PCDHGA2: variants seen among roughly 807,000 people sequenced by gnomAD.
The protein encoded by PCDHGA2 is protocadherin gamma subfamily A, 2, also known as protocadherin gamma-A2.
In PCDHGA2, 40 loss-of-function variants were observed where a neutral mutation model predicts 59.2. That is an observed-to-expected ratio of 0.68 (90% CI 0.52 to 0.88). The LOEUF is 0.88. Ranked by LOEUF, PCDHGA2 falls within the 40% of genes least tolerant of loss-of-function variation. The pLI, the probability that PCDHGA2 is intolerant of heterozygous loss-of-function variation, is 0.00. For synonymous variants in PCDHGA2, 560 were observed against 526.0 expected, an observed-to-expected ratio of 1.06 and a Z score of -0.89; for missense variants, 1,226 against 1,204.0, an observed-to-expected ratio of 1.02 and a Z score of -0.27.
chr5:141,351,539 GC>G, intron 1 of PCDHGA2: 1 of 1,614,024 alleles, frequency 6.2e-7, no homozygotes, highest in Non-Finnish European at 8.5e-7. Context: ...GGGCAAACCA[GC>G]CCTTTCCTCC....
At position 141,351,795 on chromosome 5, in the gene PCDHGA2, C is replaced by T. The variant is rs765923211; in HGVS notation, c.2424+10400C>T. 9 of 1,613,360 alleles carry T rather than the reference C, an allele frequency of 5.6e-6. 1 individual carries two copies. In the East Asian group the frequency reaches 6.7e-5, roughly 12 times the overall value. Reference sequence around the variant, plus strand: ...AGCCCGCAGAGCGGGGTGGTGTTCGCGCAGCGCGCCTTCGACCACGAGCAG... The same window carrying T: ...AGCCCGCAGAGCGGGGTGGTGTTCGTGCAGCGCGCCTTCGACCACGAGCAG... On this transcript the variant is annotated intron_variant, in intron 1 of 3. Coordinates refer to ENST00000394576, the MANE Select transcript of PCDHGA2 (RefSeq NM_018915.4).
intron 1 of PCDHGA2, chr5:141,398,210 C>T (rs755562930): frequency 1.3e-6 from 2 of 1,483,862 alleles, no homozygotes; most frequent in South Asian, 1.3e-5. Flanking sequence ...TTCTGCCCGG[C>T]GCTCTGTGAG....
chr5:141,365,483 T>A (rs750405300), intron 1 of PCDHGA2: 2 of 1,614,018 alleles, frequency 1.2e-6, no homozygotes, highest in Non-Finnish European at 1.7e-6. Context: ...GATTGCATGC[T>A]CTATTCCTAG....
intron 1 of PCDHGA2, chr5:141,360,416 A>G: frequency 6.2e-7 from 1 of 1,614,014 alleles, no homozygotes; most frequent in Non-Finnish European, 8.5e-7. Context: ...GACCGAGAAC[A>G]GATATGCGGG....
rs1161979451 is a variant in PCDHGA2 at position 141,355,725 on chromosome 5, C to A, written c.2424+14330C>A. ...TGCAGGGTTACCAGCTCAACTCAAA[C>A]GGTTACTTTTCCCTGGACGTGCAAA... On this transcript the variant is annotated intron_variant, in intron 1 of 3. Transcript: ENST00000394576. The A allele has an allele frequency of 6.2e-7, 1 of 1,613,896 alleles. No individual in the cohort carries two copies. Among genetic ancestry groups the A allele is most frequent in the Non-Finnish European group, 8.5e-7 (1 of 1,179,892 alleles).
rs1272166319 is a variant in PCDHGA2, at chr5:141,370,826, A to C, written c.2424+29431A>C. Reference sequence around the variant, plus strand: ...ATATCACTGAGCTGGAAATCAGCGAACTGGCTCTCACTGGAGCCACATTTG... The same window carrying C: ...ATATCACTGAGCTGGAAATCAGCGACCTGGCTCTCACTGGAGCCACATTTG... On this transcript the variant is annotated intron_variant, in intron 1 of 3. Coordinates refer to ENST00000394576, the MANE Select transcript of PCDHGA2 (RefSeq NM_018915.4). The C allele has an allele frequency of 1.1e-5, 18 of 1,613,884 alleles. No homozygotes were observed. The Admixed American group carries it at 3.0e-4, about 27-fold the overall frequency.
Position 141,338,781 on chromosome 5 carries a change from C to T in PCDHGA2, c.-191C>T, listed in dbSNP as rs1269695414. On this transcript the variant is annotated 5_prime_UTR_variant, in exon 1 of 4. Transcript: ENST00000394576. ...ATCCAATCCAGCAATACGGCTCCCA[C>T]AGCACAAGGGGGTGGAGGTTTGGCC... is the stretch of plus-strand genomic sequence containing the variant. 1 of 1,300,382 alleles carries T rather than the reference C, an allele frequency of 7.7e-7. No individual in the cohort carries two copies. The highest frequency in any genetic ancestry group is 1.5e-5 in the African/African-American group (1 of 66,916). The allele number at this position is 1,300,382 out of a possible 1,614,324, so 80.6% of individuals were successfully genotyped here.
Position 141,490,732 on chromosome 5 carries a change from G to A in PCDHGA2, c.2425-4075G>A, listed in dbSNP as rs775388969. 6.2e-6 allele frequency: 10 copies of A among 1,614,188 alleles called. No homozygotes were observed. The highest frequency in any genetic ancestry group is 8.5e-6 in the Non-Finnish European group (10 of 1,180,042). ...CACCTACTCCATTGTAGGAAATCAG[G>A]TTCAGGGAGCCCCAGCCTCCTCCTT... On this transcript the variant is annotated intron_variant, in intron 1 of 3. Transcript: ENST00000394576. This position sits in a 1 kb window ranked among gnomAD's most constrained non-coding sequence, Gnocchi z 5.4.
At chr5:141,427,869 A>G in intron 1 of PCDHGA2, 3 of 1,559,604 alleles carry the variant, frequency 1.9e-6, no homozygotes, top group Non-Finnish European at 2.6e-6. Flanking sequence ...CTTCGAGCTC[A>G]CGATGCAGGC....
At position 141,346,515 on chromosome 5, in the gene PCDHGA2, A is replaced by G. The variant is rs1302311173; in HGVS notation, c.2424+5120A>G. 5.0e-6 allele frequency: 8 copies of G among 1,601,932 alleles called. 1 individual carries two copies. In the South Asian group the frequency reaches 8.9e-5, roughly 18 times the overall value. On this transcript the variant is annotated intron_variant, in intron 1 of 3. Transcript: ENST00000394576. Reference sequence around the variant, plus strand: ...CAAATATGAGAATGTGGTTATTATAAAGCTTTAACACATATGTATTTGAGA... The same window carrying G: ...CAAATATGAGAATGTGGTTATTATAGAGCTTTAACACATATGTATTTGAGA...
chr5:141,413,570 A>G, intron 1 of PCDHGA2: 1 of 1,613,930 alleles, frequency 6.2e-7, no homozygotes, highest in Non-Finnish European at 8.5e-7. Context: ...GATATCAATG[A>G]CAATGCTCCA....
At chr5:141,349,073 T>C (rs993754863) in intron 1 of PCDHGA2, among the ~76,000 whole-genome samples, 1 of 151,992 alleles carries the variant, frequency 6.6e-6, no homozygotes, top group Non-Finnish European at 1.5e-5. Context: ...GAATTGGCAT[T>C]ATAGAGAATG....
chr5:141,370,870 A>G (rs778903328), intron 1 of PCDHGA2: 1 of 1,614,030 alleles, frequency 6.2e-7, no homozygotes, highest in African/African-American at 1.3e-5. Flanking sequence ...TCTGCGCAAG[A>G]TCCTGATGTA....
chr5:141,405,994 C>T (rs2094743060), intron 1 of PCDHGA2, among the ~76,000 whole-genome samples: 1 of 151,930 alleles, frequency 6.6e-6, no homozygotes, highest in African/African-American at 2.4e-5. Context: ...GGGTAGCTCT[C>T]AGCCTGCATT....
chr5:141,389,581 G>C, intron 1 of PCDHGA2: 1 of 1,613,202 alleles, frequency 6.2e-7, no homozygotes, highest in East Asian at 2.2e-5. Context: ...CCCGCGCTGG[G>C]TCCCGACGGC....
intron 1 of PCDHGA2, chr5:141,351,900 T>C: frequency 5.6e-6 from 9 of 1,613,414 alleles, no homozygotes; most frequent in Admixed American, 1.7e-5. Context: ...CTGCGCGTGT[T>C]GGTGGGCGAC....
intron 1 of PCDHGA2, chr5:141,423,194 C>T (rs1467994226): frequency 3.7e-6 from 6 of 1,613,588 alleles, no homozygotes; most frequent in South Asian, 1.1e-5. Context: ...CCCCCTCTCT[C>T]GGCCACCGTC....
chr5:141,372,027 A>G (rs764132695), intron 1 of PCDHGA2: 3 of 1,613,296 alleles, frequency 1.9e-6, no homozygotes, highest in Non-Finnish European at 2.5e-6. Flanking sequence ...GCTCAGCGCC[A>G]ACGTGAGCCT....
intron 1 of PCDHGA2, chr5:141,355,814 A>T: frequency 6.2e-7 from 1 of 1,613,248 alleles, no homozygotes; most frequent in Non-Finnish European, 8.5e-7. Context: ...CGCGAGGAAG[A>T]GGCGGTTCAC....
Sources: gnomAD v4.1 joint callset for allele counts (sites outside exome capture counted in the v4.1 genomes callset) on GRCh38, gnomAD v4.1.1 for gene constraint, Gnocchi (gnomAD v3.1) non-coding constraint, MANE v1.5 for transcripts, NCBI Gene and HGNC (gene_info 2026-07-23, HGNC 2026-07-21) for gene names.